Variants in TAAR8 observed in about 807,000 individuals in gnomAD.
TAAR8 encodes the protein trace amine associated receptor 8, also known as trace amine-associated receptor 8.
For synonymous variants in TAAR8, 157 were observed against 152.7 expected, an observed-to-expected ratio of 1.03 and a Z score of -0.21; for missense variants, 459 against 405.8, an observed-to-expected ratio of 1.13 and a Z score of -1.13.
Position 132,552,783 on chromosome 6 carries a change from C to T in TAAR8, c.91C>T (p.Arg31Trp), listed in dbSNP as rs142439976. The T allele has an allele frequency of 2.2e-4, 358 of 1,614,136 alleles. 3 individuals are homozygous for T. In the East Asian group the frequency reaches 6.0e-3, roughly 27 times the overall value. Residue 31 changes from arginine to tryptophan, a missense_variant, in exon 1 of 1, where the codon CGG (arginine) becomes TGG (tryptophan). Physicochemically the swap from Arg to Trp is moderately radical, Grantham distance 101. Transcript: ENST00000275200. ...TGAAACTCCCTATTCTCCTGGGTCC[C>T]GGGTAATTCTGTACACGGCGTTTAG...
chr6:132,553,103 G>C (rs1370287392), exon 1 of TAAR8: 1 of 1,614,162 alleles, frequency 6.2e-7, no homozygotes, highest in Admixed American at 1.7e-5. Context: ...CTGATCCCCT[G>C]GTCTATGCTA....
exon 1 of TAAR8, chr6:132,552,943 T>C (rs1221021894): frequency 5.0e-6 from 8 of 1,614,224 alleles, no homozygotes; most frequent in Middle Eastern, 3.3e-4. Flanking sequence ...GGTGTGACTG[T>C]GATGCTTTTC....
At chr6:132,553,564 T>C in exon 1 of TAAR8, 1 of 1,614,074 alleles carries the variant, frequency 6.2e-7, no homozygotes, top group Non-Finnish European at 8.5e-7. Context: ...CCTGCCTATA[T>C]CTATGAAATT....
At chr6:132,553,016 T>C in exon 1 of TAAR8, 1 of 1,614,108 alleles carries the variant, frequency 6.2e-7, no homozygotes, top group Non-Finnish European at 8.5e-7. Context: ...CTCTTCACAG[T>C]TGCTGTGATG....
exon 1 of TAAR8, chr6:132,553,424 T>C (rs756354978): frequency 1.9e-6 from 3 of 1,614,082 alleles, no homozygotes; most frequent in East Asian, 4.5e-5. Context: ...CAGAGAGTTA[T>C]AAAATCAGAG....
exon 1 of TAAR8, chr6:132,552,801 G>A (rs747344572): frequency 4.3e-6 from 7 of 1,614,098 alleles, no homozygotes; most frequent in Middle Eastern, 1.6e-4. Context: ...TCTGTACACG[G>A]CGTTTAGCTT....
At chr6:132,553,585 G>C in exon 1 of TAAR8, 1 of 1,614,026 alleles carries the variant, frequency 6.2e-7, no homozygotes, top group Non-Finnish European at 8.5e-7. Flanking sequence ...TGCTGTTGGA[G>C]TGCTTATTAT....
At chr6:132,552,858 G>A (rs1347603059) in exon 1 of TAAR8, 5 of 1,614,190 alleles carry the variant, frequency 3.1e-6, no homozygotes, top group East Asian at 2.2e-5. Context: ...AATGACTTCT[G>A]TTCTTCATTT....
chr6:132,552,842 CTT>C lies in TAAR8; in HGVS notation c.151_152del (p.Leu51SerfsTer9), dbSNP rs1776400189. On this transcript the variant is annotated frameshift_variant, in exon 1 of 1. Transcript: ENST00000275200. LOFTEE classifies it low-confidence loss of function (END_TRUNC). ...CTTTGCTGGCTGTATTTGGAAATCT[CTT>C]AGTAATGACTTCTGTTCTTCATTTT... is the stretch of plus-strand genomic sequence containing the variant. 1 of 1,614,080 alleles carries C rather than the reference CTT, an allele frequency of 6.2e-7. No individual in the cohort carries two copies. Among genetic ancestry groups the C allele is most frequent in the Non-Finnish European group, 8.5e-7 (1 of 1,180,042 alleles).
exon 1 of TAAR8, chr6:132,553,400 A>C: frequency 6.2e-6 from 10 of 1,614,200 alleles, no homozygotes; most frequent in Non-Finnish European, 8.5e-6. Flanking sequence ...CTAGTAGCAA[A>C]GTAGAATCAT....
exon 1 of TAAR8, chr6:132,553,124 C>A (rs537371286): frequency 1.2e-6 from 2 of 1,614,148 alleles, no homozygotes; most frequent in Admixed American, 1.7e-5. Context: ...CCAAGTTCAC[C>A]GTGTCTGTGT....
chr6:132,553,477 C>T lies in TAAR8; in HGVS notation c.785C>T (p.Thr262Met), dbSNP rs553376051. The T allele has an allele frequency of 3.4e-5, 55 of 1,614,088 alleles. No homozygotes were observed. In the South Asian group the frequency reaches 3.7e-4, roughly 11 times the overall value. The change falls in exon 1 of 1, where the codon ACG (threonine) becomes ATG (methionine). Residue 262 changes from threonine to methionine, a missense_variant. Transcript: ENST00000275200. ...AAAGCAGCTAAAACCCTGGGGGTCA[C>T]GGTACTAGCATTTGTTATTTCATGG...
chr6:132,553,131 G>T, exon 1 of TAAR8: 1 of 1,614,194 alleles, frequency 6.2e-7, no homozygotes, highest in South Asian at 1.1e-5. Flanking sequence ...CACCGTGTCT[G>T]TGTCGGGAAT....
At chr6:132,553,750 A>G, downstream of TAAR8, 1 of 1,341,150 alleles carries the variant, frequency 7.5e-7, no homozygotes, top group Non-Finnish European at 9.8e-7. Flanking sequence ...GAAAATTAAG[A>G]ATATTTTTAA....
chr6:132,553,541 G>A, exon 1 of TAAR8: 1 of 1,614,006 alleles, frequency 6.2e-7, no homozygotes, highest in South Asian at 1.1e-5. Context: ...ATGCCTTTAT[G>A]GGCTTCCTGA....
exon 1 of TAAR8, chr6:132,553,248 G>A (rs749371410): frequency 4.5e-5 from 73 of 1,614,054 alleles, no homozygotes; most frequent in East Asian, 6.7e-5. Flanking sequence ...TCTCAACTGC[G>A]TAGGTGGCTG....
chr6:132,553,324 T>A (rs187426282), exon 1 of TAAR8: 2 of 1,614,148 alleles, frequency 1.2e-6, no homozygotes, highest in South Asian at 1.1e-5. Flanking sequence ...CCTACCCTTG[T>A]TATGATAATT....
rs557972980 is a variant in TAAR8 at position 132,552,968 on chromosome 6, G to A, written c.276G>A (p.Thr92=). 48 of 1,614,170 alleles carry A rather than the reference G, an allele frequency of 3.0e-5. No individual in the cohort carries two copies. The South Asian group carries it at 3.7e-4, about 13-fold the overall frequency. Residue 92 remains threonine (T), a synonymous_variant, in exon 1 of 1, where the codon ACG becomes ACA. Transcript: ENST00000275200. Reference sequence around the variant, plus strand: ...TGATGCTTTTCAGCATGGTCAGGACGGTGGAGAGCTGCTGGTATTTTGGAG... The same window carrying A: ...TGATGCTTTTCAGCATGGTCAGGACAGTGGAGAGCTGCTGGTATTTTGGAG...
At chr6:132,552,934 G>T in exon 1 of TAAR8, 6 of 1,614,198 alleles carry the variant, frequency 3.7e-6, no homozygotes, top group Non-Finnish European at 5.1e-6. Flanking sequence ...TTCTTGGTAG[G>T]TGTGACTGTG....
Sources: allele counts gnomAD v4.1 joint callset, GRCh38; gene constraint gnomAD v4.1.1; transcripts MANE v1.5; gene names NCBI Gene and HGNC (gene_info 2026-07-23, HGNC 2026-07-21).